DLG2: variants seen among roughly 807,000 people sequenced by gnomAD.
The protein encoded by DLG2 is disks large homolog 2.
Under a neutral mutation model 132.5 loss-of-function variants are expected in DLG2, and 45 were observed. The observed-to-expected ratio is 0.34, with a 90% CI of 0.27 to 0.44. The LOEUF (loss-of-function observed/expected upper bound fraction) is 0.44, where lower values mean the gene tolerates loss of function less well. Among genes scored for constraint, DLG2 ranks in the 20% least tolerant of loss-of-function variants. The pLI is 1.00. For synonymous variants in DLG2, 424 were observed against 419.6 expected (o/e 1.01, Z -0.13); for missense variants, 1,045 against 1,196.9 (o/e 0.87, Z 1.87).
In DLG2 at chr11:84,089,966, T is replaced by C. The variant is rs571103024; in HGVS notation, c.749+8957A>G. Among the ~76,000 whole-genome samples, 5 of 152,330 alleles carry C rather than the reference T, an allele frequency of 3.3e-5. No homozygotes were observed. In the South Asian group the frequency reaches 8.3e-4, roughly 25 times the overall value. ...CTTCCCCATGATGACATATCAATAT[T>C]GGTCCCTGGCAATTCTAGGACTTCA... On this transcript the variant is annotated intron_variant, in intron 10 of 27. Transcript: ENST00000376104.
chr11:83,494,595 T>C (rs1028565745), intron 21 of DLG2, among the ~76,000 whole-genome samples: 1 of 151,632 alleles, frequency 6.6e-6, no homozygotes, highest in Non-Finnish European at 1.5e-5. Flanking sequence ...TTTGTATGGA[T>C]TTTTTAGTTA....
chr11:84,658,309 G>A (rs897024200), intron 6 of DLG2, among the ~76,000 whole-genome samples: 1 of 152,074 alleles, frequency 6.6e-6, no homozygotes, highest in Non-Finnish European at 1.5e-5. Context: ...GTTCATTTAA[G>A]TGAGTGATAT....
intron 4 of DLG2, among the ~76,000 whole-genome samples, chr11:85,230,847 G>GT (rs940482550): frequency 1.2e-4 from 18 of 151,922 alleles, no homozygotes; most frequent in African/African-American, 4.3e-4. Flanking sequence ...TTATAAAAGG[G>GT]TTTCAGGGAG....
chr11:83,913,706 A>T (rs992632309), intron 15 of DLG2, among the ~76,000 whole-genome samples: 29 of 152,240 alleles, frequency 1.9e-4, no homozygotes, highest in African/African-American at 6.7e-4. Flanking sequence ...TGAATGGTAC[A>T]TGTGCCCATT....
chr11:84,829,639 G>A (rs2078770037), intron 6 of DLG2, among the ~76,000 whole-genome samples: 1 of 151,636 alleles, frequency 6.6e-6, no homozygotes, highest in Non-Finnish European at 1.5e-5. Flanking sequence ...TAACCTCTCT[G>A]AACTCTAGAT....
chr11:83,681,437 G>T (rs139257203), intron 18 of DLG2, among the ~76,000 whole-genome samples: 11 of 152,280 alleles, frequency 7.2e-5, no homozygotes, highest in African/African-American at 2.2e-4. Flanking sequence ...AAAACAGCCA[G>T]CCACAAGTCA....
chr11:84,425,767 T>G (rs1021293043), intron 7 of DLG2, among the ~76,000 whole-genome samples: 2 of 152,118 alleles, frequency 1.3e-5, no homozygotes, highest in African/African-American at 2.4e-5. Flanking sequence ...AGAAAGTGGT[T>G]AGTGAAGATA....
In DLG2 at chr11:84,714,647, TTC is replaced by T. The variant is rs754541162; in HGVS notation, c.358-179918_358-179917del. 8.7e-3 allele frequency among the ~76,000 whole-genome samples: 787 copies of T among 90,226 alleles called. 5 individuals carry two copies. Among genetic ancestry groups the T allele is most frequent in the African/African-American group, 0.011 (182 of 16,894 alleles). 59.2% of individuals were successfully genotyped at this position (90,226 alleles called of 152,430 possible). A position where few individuals can be genotyped will look rare whatever the true frequency, so the allele number is the denominator to read the frequency against. ...TTTCTCTCTCTCTCTCTCTCTCTCT[TTC>T]TCTCTCTCTCTCTCTCTCTCTCTCT... On this transcript the variant is annotated intron_variant, in intron 6 of 27. Transcript: ENST00000376104.
Position 84,805,582 on chromosome 11 carries a change from C to T in DLG2, c.358-270851G>A, listed in dbSNP as rs375077339. Among the ~76,000 whole-genome samples, 8 of 152,170 alleles carry T rather than the reference C, an allele frequency of 5.3e-5. 1 individual carries two copies. The highest frequency in any genetic ancestry group is 9.6e-5 in the African/African-American group (4 of 41,532). ...TCTCATGATAAATTCCTCAAGAGAT[C>T]GGGTTGGTTGTTTTAAAGTGTGTAG... On this transcript the variant is annotated intron_variant, in intron 6 of 27. Transcript: ENST00000376104.
intron 10 of DLG2, among the ~76,000 whole-genome samples, chr11:84,064,034 G>A (rs1219319072): frequency 6.6e-6 from 1 of 152,082 alleles, no homozygotes; most frequent in Non-Finnish European, 1.5e-5. Flanking sequence ...AATGCATACA[G>A]CACACCAACA....
chr11:84,086,541 G>C (rs1407846075), intron 10 of DLG2, among the ~76,000 whole-genome samples: 1 of 144,106 alleles, frequency 6.9e-6, no homozygotes, highest in African/African-American at 2.6e-5. Flanking sequence ...CCTGACTGGA[G>C]TGTAGTAGTG....
chr11:84,733,828 A>C (rs2153814898), intron 6 of DLG2, among the ~76,000 whole-genome samples: 1 of 152,324 alleles, frequency 6.6e-6, no homozygotes, highest in African/African-American at 2.4e-5. Flanking sequence ...GGTGTAAGGA[A>C]GGGATCCAGT....
intron 7 of DLG2, among the ~76,000 whole-genome samples, chr11:84,499,479 G>A (rs555217817): frequency 1.3e-5 from 2 of 152,066 alleles, no homozygotes; most frequent in Non-Finnish European, 2.9e-5. Flanking sequence ...ATTACAAGTG[G>A]GAAGCTCTGC....
intron 6 of DLG2, among the ~76,000 whole-genome samples, chr11:84,953,898 A>G (rs752447722): frequency 5.3e-5 from 8 of 152,040 alleles, no homozygotes; most frequent in Non-Finnish European, 7.4e-5. Flanking sequence ...AAGTTCCTCA[A>G]CTGTACCAAA....
chr11:85,610,658 C>T (rs2080928360), intron 2 of DLG2, among the ~76,000 whole-genome samples: 1 of 152,228 alleles, frequency 6.6e-6, no homozygotes, highest in African/African-American at 2.4e-5. Flanking sequence ...GTTTGGAAGC[C>T]TCATGCCAAC....
intron 6 of DLG2, among the ~76,000 whole-genome samples, chr11:84,723,952 A>T (rs1034473570): frequency 1.6e-4 from 25 of 152,340 alleles, no homozygotes; most frequent in African/African-American, 5.8e-4. Flanking sequence ...CCAGGTTTTA[A>T]TTTTGATCTT....
chr11:83,702,711 G>A (rs1234833242), intron 18 of DLG2, among the ~76,000 whole-genome samples: 2 of 152,154 alleles, frequency 1.3e-5, no homozygotes, highest in African/African-American at 2.4e-5. Context: ...TCTCTTCCTG[G>A]TGCTCATGAA....
At chr11:85,070,278 T>G (rs2065637367) in intron 6 of DLG2, among the ~76,000 whole-genome samples, 1 of 151,050 alleles carries the variant, frequency 6.6e-6, no homozygotes, top group Non-Finnish European at 1.5e-5. Context: ...GTTGTGCACA[T>G]GTACCCTAGA....
intron 6 of DLG2, among the ~76,000 whole-genome samples, chr11:84,784,338 A>T (rs1479830050): frequency 2.2e-4 from 33 of 146,696 alleles, no homozygotes; most frequent in Non-Finnish European, 3.9e-4. Context: ...ATAAATAAAT[A>T]AATAAATAAA....
Sources: allele counts gnomAD v4.1 joint callset (sites outside exome capture counted in the v4.1 genomes callset), GRCh38; gene constraint gnomAD v4.1.1; transcripts MANE v1.5; gene names NCBI Gene and HGNC (gene_info 2026-07-23, HGNC 2026-07-21).